Variants in RBFOX1 observed in about 807,000 individuals in gnomAD.
RBFOX1 encodes the protein RNA binding fox-1 homolog 1.
A neutral mutation model predicts 57.7 loss-of-function variants in RBFOX1; 8 were observed. The ratio of observed to expected loss-of-function variants is 0.14; its 90% CI spans 0.08 to 0.25. The LOEUF (loss-of-function observed/expected upper bound fraction) is 0.25, where lower values mean the gene tolerates loss of function less well. Among genes scored for constraint, RBFOX1 ranks in the 10% least tolerant of loss-of-function variants. RBFOX1 has a pLI of 1.00. For missense variants in RBFOX1, 611 were observed against 548.5 expected (o/e 1.11, Z -1.14); for synonymous variants, 326 against 222.4 (o/e 1.47, Z -4.15).
chr16:6,035,975 A>G (rs1182869118), intron 1 of RBFOX1, among the ~76,000 whole-genome samples: 2 of 152,208 alleles, frequency 1.3e-5, no homozygotes, highest in Non-Finnish European at 2.9e-5. Flanking sequence ...TGCCTGAAGA[A>G]TACTCCTCTT....
intron 2 of RBFOX1, among the ~76,000 whole-genome samples, chr16:6,541,541 G>C (rs1200168512): frequency 6.6e-6 from 1 of 152,196 alleles, no homozygotes; most frequent in East Asian, 1.9e-4. Flanking sequence ...ATAGGGCATA[G>C]TGAATGGAAT....
chr16:7,044,709 AT>A (rs57969725), intron 3 of RBFOX1, among the ~76,000 whole-genome samples: 19,444 of 152,142 alleles, frequency 0.13, 2,092 homozygotes, highest in East Asian at 0.29. Context: ...GAGAAAAAAA[AT>A]ATCACATGTT....
chr16:7,526,210 C>G (rs78198380), intron 5 of RBFOX1, among the ~76,000 whole-genome samples: 6,133 of 152,246 alleles, frequency 0.04, 185 homozygotes, highest in East Asian at 0.11. Flanking sequence ...ACCATCCTCC[C>G]TGCCCCACTG....
chr16:5,242,960 G>C (rs1159427937), intron 1 of RBFOX1, among the ~76,000 whole-genome samples: 2 of 143,454 alleles, frequency 1.4e-5, no homozygotes, highest in African/African-American at 2.6e-5. Context: ...CTGCTGCAGG[G>C]CATGTGATTA....
intron 3 of RBFOX1, among the ~76,000 whole-genome samples, chr16:6,687,701 A>T (rs17140919): frequency 0.018 from 2,812 of 152,194 alleles, 50 homozygotes; most frequent in East Asian, 0.057. Flanking sequence ...TGGTTTTTCA[A>T]AGTTGCAGCG....
At chr16:7,020,125 C>G (rs551193305) in intron 3 of RBFOX1, among the ~76,000 whole-genome samples, 1 of 152,136 alleles carries the variant, frequency 6.6e-6, no homozygotes, top group Non-Finnish European at 1.5e-5. Context: ...TGTCATGTCT[C>G]AGGCCAGGTG....
intron 4 of RBFOX1, among the ~76,000 whole-genome samples, chr16:5,936,925 G>A (rs1446598941): frequency 6.6e-6 from 1 of 152,114 alleles, no homozygotes; most frequent in African/African-American, 2.4e-5. Flanking sequence ...CATCTCAAGG[G>A]ACTGTAGAGC....
chr16:6,677,486 T>A (rs1424098399), intron 3 of RBFOX1, among the ~76,000 whole-genome samples: 1 of 152,122 alleles, frequency 6.6e-6, no homozygotes, highest in African/African-American at 2.4e-5. Flanking sequence ...AAAGAAAGTT[T>A]TAAACATCCA....
intron 2 of RBFOX1, chr16:6,483,547 A>T: frequency 6.5e-7 from 1 of 1,535,378 alleles, no homozygotes; most frequent in Admixed American, 2.0e-5. Context: ...CCCTTCAGGT[A>T]CGGCGAGCGA....
intron 3 of RBFOX1, among the ~76,000 whole-genome samples, chr16:5,725,285 C>T (rs2052100550): frequency 1.3e-5 from 2 of 151,856 alleles, no homozygotes; most frequent in Admixed American, 6.6e-5. Flanking sequence ...GCTCTGTCTC[C>T]CAGGCAGAAG....
chr16:6,046,602 C>A (rs2095498269), intron 1 of RBFOX1, among the ~76,000 whole-genome samples: 1 of 142,720 alleles, frequency 7.0e-6, no homozygotes, highest in Non-Finnish European at 1.6e-5. Flanking sequence ...AAAGTAGATA[C>A]CAAGGGAATA....
chr16:6,830,935 G>T (rs2092662781), intron 3 of RBFOX1, among the ~76,000 whole-genome samples: 1 of 152,194 alleles, frequency 6.6e-6, no homozygotes, highest in African/African-American at 2.4e-5. Flanking sequence ...ATAGCCTGTT[G>T]TGAATCCATG....
At chr16:6,372,256 G>A (rs796758881) in intron 2 of RBFOX1, among the ~76,000 whole-genome samples, 7 of 151,878 alleles carry the variant, frequency 4.6e-5, no homozygotes, top group African/African-American at 1.7e-4. Context: ...GTGGAATAGA[G>A]ATTGGGTGGA....
intron 11 of RBFOX1, among the ~76,000 whole-genome samples, chr16:7,630,960 A>G (rs957098017): frequency 2.6e-5 from 4 of 152,196 alleles, no homozygotes; most frequent in Admixed American, 2.6e-4. Context: ...GCTTTAGCTC[A>G]TTGCCTGCCT....
intron 3 of RBFOX1, among the ~76,000 whole-genome samples, chr16:7,005,281 C>T (rs118056797): frequency 1.3e-5 from 2 of 152,286 alleles, no homozygotes; most frequent in East Asian, 1.9e-4. Flanking sequence ...CCTAAAGATA[C>T]TTGCCTCCAT....
At chr16:6,876,337 C>T (rs184590270) in intron 3 of RBFOX1, among the ~76,000 whole-genome samples, 2 of 152,256 alleles carry the variant, frequency 1.3e-5, no homozygotes, top group East Asian at 3.9e-4. Context: ...GACTTGTTGA[C>T]TATTCCACCA....
chr16:5,443,332 C>T (rs534446295), intron 1 of RBFOX1, among the ~76,000 whole-genome samples: 7 of 152,066 alleles, frequency 4.6e-5, no homozygotes, highest in Admixed American at 1.3e-4. Flanking sequence ...CTACCATCTG[C>T]GTTTTGGTGT....
Position 5,808,935 on chromosome 16 carries a change from G to A in RBFOX1, c.319-58368G>A, listed in dbSNP as rs1166162778. ...TTTCCTTCTCCTGCCTAATTTCCGT[G>A]GCCACAACTTCCAACACTATGTTGA... On this transcript the variant is annotated intron_variant, in intron 3 of 19. Coordinates refer to the RBFOX1 transcript ENST00000641259. Among the ~76,000 whole-genome samples, 10 of 152,096 alleles carry A rather than the reference G, an allele frequency of 6.6e-5. No homozygotes were observed. The East Asian group carries it at 1.9e-3, about 29-fold the overall frequency.
chr16:6,513,372 C>T (rs985780990), intron 2 of RBFOX1, among the ~76,000 whole-genome samples: 4 of 151,502 alleles, frequency 2.6e-5, no homozygotes, highest in African/African-American at 9.7e-5. Flanking sequence ...CTTATGGCCT[C>T]ATATCTACAC....
Sources: allele counts gnomAD v4.1 joint callset (sites outside exome capture counted in the v4.1 genomes callset), GRCh38; gene constraint gnomAD v4.1.1; transcripts MANE v1.5; gene names NCBI Gene and HGNC (gene_info 2026-07-23, HGNC 2026-07-21).